STK33: variants seen among roughly 807,000 people sequenced by gnomAD.
STK33 encodes the protein serine/threonine kinase 33.
A neutral mutation model predicts 58.0 loss-of-function variants in STK33; 52 were observed. The ratio of observed to expected loss-of-function variants is 0.90; its 90% CI spans 0.72 to 1.13. The LOEUF is 1.13. STK33 is among the 50% of genes most tolerant of loss of function. The probability of loss-of-function intolerance (pLI) is 0.00; values close to 1 mark genes in which losing one functional copy is unlikely to be tolerated. For synonymous variants in STK33, 215 were observed against 200.1 expected (o/e 1.07, Z -0.63); for missense variants, 630 against 604.2 (o/e 1.04, Z -0.45).
chr11:8,558,814 G>A (rs1267067778), intron 1 of STK33, among the ~76,000 whole-genome samples: 2 of 152,132 alleles, frequency 1.3e-5, no homozygotes, highest in Non-Finnish European at 2.9e-5. Flanking sequence ...TGCTCAAATC[G>A]CTTCCTAATA....
the STK33 span, among the ~76,000 whole-genome samples, chr11:8,377,467 A>G: frequency 6.6e-6 from 1 of 152,224 alleles, no homozygotes; most frequent in African/African-American, 2.4e-5. Flanking sequence ...GAAGGGACTT[A>G]CCCCAAAATA....
At chr11:8,444,678 T>C (rs1163480568) in intron 11 of STK33, among the ~76,000 whole-genome samples, 2 of 151,998 alleles carry the variant, frequency 1.3e-5, no homozygotes, top group Non-Finnish European at 2.9e-5. Flanking sequence ...TCAATGAAAC[T>C]GAAGTCTCAA....
At chr11:8,559,822 T>C (rs1199489245) in intron 1 of STK33, among the ~76,000 whole-genome samples, 3 of 152,138 alleles carry the variant, frequency 2.0e-5, no homozygotes, top group African/African-American at 7.2e-5. Flanking sequence ...CTGTGTAACA[T>C]TCTAGAAATT....
intron 1 of STK33, among the ~76,000 whole-genome samples, chr11:8,484,791 C>A (rs1950087234): frequency 1.3e-5 from 2 of 152,202 alleles, no homozygotes; most frequent in African/African-American, 4.8e-5. Flanking sequence ...GTTTTTGAAA[C>A]CTTGCAATGG....
At chr11:8,555,984 C>G (rs774321787) in intron 1 of STK33, among the ~76,000 whole-genome samples, 21 of 152,116 alleles carry the variant, frequency 1.4e-4, no homozygotes, top group Non-Finnish European at 2.5e-4. Context: ...ATGTTAACAT[C>G]TGAAATGGGC....
chr11:8,432,324 TAAG>T (rs373546592), intron 14 of STK33, among the ~76,000 whole-genome samples: 116 of 152,226 alleles, frequency 7.6e-4, no homozygotes, highest in African/African-American at 2.7e-3. Flanking sequence ...AATTATCTAA[TAAG>T]AAGCAATTAA....
chr11:8,486,321 T>C (rs561726056), intron 1 of STK33, among the ~76,000 whole-genome samples: 2 of 152,306 alleles, frequency 1.3e-5, no homozygotes, highest in South Asian at 4.1e-4. Context: ...TACTACTTCC[T>C]TAACAAAATT....
the STK33 span, among the ~76,000 whole-genome samples, chr11:8,339,595 C>T: frequency 3.3e-5 from 5 of 152,292 alleles, no homozygotes; most frequent in South Asian, 6.2e-4. Context: ...CTGCGCTCGG[C>T]GGCAGAGGCG....
At chr11:8,470,477 T>C (rs1165732410) in intron 6 of STK33, among the ~76,000 whole-genome samples, 2 of 152,246 alleles carry the variant, frequency 1.3e-5, no homozygotes. Flanking sequence ...CTGTTTTGCT[T>C]ATCATTCACG....
rs371810427 is a variant in STK33 at position 8,436,029 on chromosome 11, C to T, written c.1058G>A (p.Cys353Tyr). ...ENAVWNSISD[C>Y]AKSVLKQLMK... Reference sequence around the variant, plus strand: ...AATAATAACGCATCTATACTTACCACAGTCACTTATGGAATTCCAGACTGC... The same window carrying T: ...AATAATAACGCATCTATACTTACCATAGTCACTTATGGAATTCCAGACTGC... Residue 353 changes from cysteine to tyrosine, a missense_variant and splice_region_variant, in exon 13 of 16, where the codon TGT becomes TAT. Cys to Tyr is a radical substitution (Grantham distance 194). Coordinates refer to ENST00000687296, the MANE Select transcript of STK33 (RefSeq NM_001352389.2). 12 of 1,558,428 alleles carry T rather than the reference C, an allele frequency of 7.7e-6. No homozygotes were observed. The East Asian group carries it at 1.1e-4, about 15-fold the overall frequency.
intron 1 of STK33, among the ~76,000 whole-genome samples, chr11:8,532,713 G>C (rs748675690): frequency 1.7e-4 from 26 of 152,220 alleles, no homozygotes; most frequent in Non-Finnish European, 3.4e-4. Flanking sequence ...CGTTGCAATT[G>C]ATTAGAGATG....
intron 14 of STK33, among the ~76,000 whole-genome samples, chr11:8,429,755 T>G (rs1943194504): frequency 6.6e-6 from 1 of 152,186 alleles, no homozygotes; most frequent in Non-Finnish European, 1.5e-5. Flanking sequence ...GTTCCCAGCC[T>G]GTTCCAATAC....
chr11:8,520,065 C>T (rs1426524385), intron 1 of STK33, among the ~76,000 whole-genome samples: 2 of 152,116 alleles, frequency 1.3e-5, no homozygotes, highest in African/African-American at 2.4e-5. Context: ...GACCAATATC[C>T]CTCATGAACA....
chr11:8,437,155 TA>T (rs1199439884), intron 12 of STK33, among the ~76,000 whole-genome samples: 2 of 152,346 alleles, frequency 1.3e-5, no homozygotes, highest in East Asian at 3.9e-4. Context: ...AAGCTAAGTG[TA>T]CCTAATGACC....
At chr11:8,362,741 G>A in the STK33 span, among the ~76,000 whole-genome samples, 1 of 152,082 alleles carries the variant, frequency 6.6e-6, no homozygotes, top group East Asian at 1.9e-4. Flanking sequence ...TGCCCTGCAC[G>A]GCCTCTCCCT....
chr11:8,407,314 C>A (rs536364413), intron 15 of STK33, among the ~76,000 whole-genome samples: 1 of 152,004 alleles, frequency 6.6e-6, no homozygotes, highest in African/African-American at 2.4e-5. Context: ...TTTCTTGTAA[C>A]ATCCTTGTCA....
At chr11:8,405,622 C>CT (rs1318059793) in intron 15 of STK33, among the ~76,000 whole-genome samples, 1 of 152,106 alleles carries the variant, frequency 6.6e-6, no homozygotes, top group Non-Finnish European at 1.5e-5. Context: ...TTCTAAGAAT[C>CT]TTTGACTATC....
the STK33 span, among the ~76,000 whole-genome samples, chr11:8,340,891 C>T: frequency 3.4e-3 from 512 of 152,350 alleles, 2 homozygotes; most frequent in Admixed American, 6.5e-3. Context: ...CAGAGTCTCA[C>T]TCTGCAGCCC....
intron 7 of STK33, among the ~76,000 whole-genome samples, chr11:8,464,385 A>C (rs764909476): frequency 1.3e-5 from 2 of 152,214 alleles, no homozygotes; most frequent in Non-Finnish European, 2.9e-5. Flanking sequence ...TAGCTAAGAT[A>C]TCTCTAGCCC....
Sources: gnomAD v4.1 joint callset for allele counts (sites outside exome capture counted in the v4.1 genomes callset) on GRCh38, gnomAD v4.1.1 for gene constraint, MANE v1.5 for transcripts, NCBI Gene and HGNC (gene_info 2026-07-23, HGNC 2026-07-21) for gene names.